LRIG1: variants seen among roughly 807,000 people sequenced by gnomAD.
LRIG1 encodes the protein leucine-rich repeats and immunoglobulin-like domains protein 1.
Under a neutral mutation model 99.2 loss-of-function variants are expected in LRIG1, and 48 were observed. The ratio of observed to expected loss-of-function variants is 0.48; its 90% CI spans 0.38 to 0.62. The LOEUF (loss-of-function observed/expected upper bound fraction) is 0.62. LRIG1 is among the 20% of genes least tolerant of loss of function. The pLI, the probability that LRIG1 is intolerant of heterozygous loss-of-function variation, is 0.00. For missense variants in LRIG1, 1,646 were observed against 1,434.4 expected (o/e 1.15, Z -2.38); for synonymous variants, 772 against 596.1 (o/e 1.29, Z -4.30).
chr3:66,462,446 T>C lies in LRIG1; in HGVS notation c.282A>G (p.Leu94=), dbSNP rs1431081227. ...TTTAGGGGGAGACTCACACTTCCTG[T>C]AGGTTCGGCAAGTCCTCAAAACCAG... ...DPAGFEDLPN[L]QEVYLNNNEL... The change falls in exon 2 of 19, where the codon CTA becomes CTG. Residue 94 remains leucine, a synonymous_variant. Coordinates refer to ENST00000273261, the MANE Select transcript of LRIG1 (RefSeq NM_015541.3). 8 of 1,611,858 alleles carry C rather than the reference T, an allele frequency of 5.0e-6. No individual in the cohort carries two copies. In the Admixed American group the frequency reaches 1.3e-4, roughly 27 times the overall value.
chr3:66,434,765 A>AC (rs1703293345), intron 3 of LRIG1, among the ~76,000 whole-genome samples: 1 of 151,592 alleles, frequency 6.6e-6, no homozygotes, highest in African/African-American at 2.4e-5. Context: ...TAAAAAAAAA[A>AC]AAAAAAAAAC....
At chr3:66,381,682 G>A (rs1559763318) in intron 16 of LRIG1, 51 bp from the exon 17 acceptor site, 1 of 1,585,542 alleles carries the variant, frequency 6.3e-7, no homozygotes, top group Non-Finnish European at 8.6e-7. Context: ...GTATTTCACA[G>A]TAAGCCTTAT....
At chr3:66,406,120 C>A in intron 8 of LRIG1, 1 of 985,548 alleles carries the variant, frequency 1.0e-6, no homozygotes, top group Non-Finnish European at 1.2e-6. Context: ...GAAGCTGCAG[C>A]AGGAATCAAT....
intron 15 of LRIG1, 82 bp from the exon 16 acceptor site, chr3:66,382,480 G>A: frequency 6.5e-7 from 1 of 1,534,136 alleles, no homozygotes; most frequent in Non-Finnish European, 9.0e-7. Context: ...AGCTCAGAAA[G>A]GGGATCCTCC....
At chr3:66,498,039 A>C (rs1701268171) in intron 1 of LRIG1, 1 of 152,252 alleles carries the variant, frequency 6.6e-6, no homozygotes, top group Admixed American at 6.5e-5. Context: ...GTCTAGAAAA[A>C]AAGAACACAT....
chr3:66,440,318 ATGAG>A (rs1703500529), intron 3 of LRIG1, among the ~76,000 whole-genome samples: 1 of 152,178 alleles, frequency 6.6e-6, no homozygotes, highest in Admixed American at 6.5e-5. Context: ...TCATTCTACT[ATGAG>A]TGAGAGCCAC....
At chr3:66,478,251 T>C (rs1051292552) in intron 1 of LRIG1, among the ~76,000 whole-genome samples, 1 of 152,222 alleles carries the variant, frequency 6.6e-6, no homozygotes, top group East Asian at 1.9e-4. Context: ...TCAGTGCATG[T>C]AGGTGGTCCT....
intron 12 of LRIG1, among the ~76,000 whole-genome samples, chr3:66,389,245 CAG>C (rs1195006525): frequency 4.6e-5 from 7 of 151,820 alleles, no homozygotes; most frequent in South Asian, 2.1e-4. Context: ...ATTTAAAAAA[CAG>C]GGAATTAAAA....
Position 66,418,740 on chromosome 3 carries a change from C to T in LRIG1, c.366-1474G>A, listed in dbSNP as rs555701386. Reference sequence around the variant, plus strand: ...CATCTCCTTTAAACAAACACTTGACCGAATCAGTTCCAACAGGCATAAACA... The same window carrying T: ...CATCTCCTTTAAACAAACACTTGACTGAATCAGTTCCAACAGGCATAAACA... On this transcript the variant is annotated intron_variant, in intron 3 of 18. Coordinates refer to ENST00000273261, the MANE Select transcript of LRIG1 (RefSeq NM_015541.3). 5.9e-5 allele frequency among the ~76,000 whole-genome samples: 9 copies of T among 152,292 alleles called. No individual in the cohort carries two copies. In the South Asian group the frequency reaches 1.7e-3, roughly 28 times the overall value.
At chr3:66,385,108 C>T (rs1701307149) in intron 13 of LRIG1, among the ~76,000 whole-genome samples, 1 of 152,198 alleles carries the variant, frequency 6.6e-6, no homozygotes, top group South Asian at 2.1e-4. Flanking sequence ...CATTAGGTTA[C>T]TGGGGTGGGA....
At chr3:66,402,430 G>A (rs996901113) in intron 9 of LRIG1, among the ~76,000 whole-genome samples, 1 of 152,218 alleles carries the variant, frequency 6.6e-6, no homozygotes, top group Non-Finnish European at 1.5e-5. Context: ...AGCTGTGTGC[G>A]TAAGCTGGAA....
intron 6 of LRIG1, among the ~76,000 whole-genome samples, chr3:66,412,444 C>A (rs1386436587): frequency 1.3e-5 from 2 of 152,204 alleles, no homozygotes; most frequent in Admixed American, 1.3e-4. Flanking sequence ...TCTCCATCAA[C>A]CAACTTATCT....
In LRIG1 at chr3:66,394,219, C is replaced by A. The variant is rs539156441; in HGVS notation, c.1305-16G>T. 1.3e-6 allele frequency: 2 copies of A among 1,563,894 alleles called. No homozygotes were observed. The highest frequency in any genetic ancestry group is 3.8e-5 in the Admixed American group (2 of 53,148). On this transcript the variant is annotated splice_polypyrimidine_tract_variant and intron_variant, in intron 11 of 18. Transcript: ENST00000273261. The stretch of plus-strand genomic sequence containing the variant: ...GCTGATATGGCTGAAAGAAACACAA[C>A]AGTGGATGCTTCAGGTGCAGCCGCA...
intron 3 of LRIG1, 144 bp from the exon 4 acceptor site, chr3:66,417,410 A>G (rs1349701059): frequency 4.6e-6 from 4 of 868,266 alleles, no homozygotes; most frequent in Non-Finnish European, 7.1e-6. Flanking sequence ...TTCTTTTCCC[A>G]TCAAGTTATT....
chr3:66,421,221 C>T (rs75899066), intron 3 of LRIG1, among the ~76,000 whole-genome samples: 1 of 152,176 alleles, frequency 6.6e-6, no homozygotes, highest in Non-Finnish European at 1.5e-5. Flanking sequence ...CACATCCTCA[C>T]ATTTCAAAAC....
At chr3:66,496,579 A>C (rs1391869239) in intron 1 of LRIG1, among the ~76,000 whole-genome samples, 1 of 152,200 alleles carries the variant, frequency 6.6e-6, no homozygotes, top group Non-Finnish European at 1.5e-5. Flanking sequence ...TTCAGACTGT[A>C]TTCTTGGCAA....
At chr3:66,391,332 C>T (rs1701609823) in intron 12 of LRIG1, among the ~76,000 whole-genome samples, 1 of 152,154 alleles carries the variant, frequency 6.6e-6, no homozygotes, top group Non-Finnish European at 1.5e-5. Flanking sequence ...AAGAGAATCA[C>T]ACAAAACCCT....
chr3:66,447,291 G>A (rs572213683), intron 3 of LRIG1, among the ~76,000 whole-genome samples: 2 of 152,104 alleles, frequency 1.3e-5, no homozygotes, highest in Middle Eastern at 6.8e-3. Context: ...ACCCTGTTAT[G>A]CTATCAAATA....
chr3:66,404,854 G>C (rs571767576), intron 9 of LRIG1, among the ~76,000 whole-genome samples: 1 of 152,278 alleles, frequency 6.6e-6, no homozygotes, highest in Admixed American at 6.5e-5. Flanking sequence ...ACAACTTTGA[G>C]AAACCCAGTA....
Sources: allele counts gnomAD v4.1 joint callset (sites outside exome capture counted in the v4.1 genomes callset), GRCh38; gene constraint gnomAD v4.1.1; transcripts MANE v1.5; gene names NCBI Gene and HGNC (gene_info 2026-07-23, HGNC 2026-07-21).